Variants in TERF1 observed in about 807,000 individuals in gnomAD.
TERF1 encodes telomeric repeat binding factor 1.
TERF1 carries 20 observed loss-of-function variants against 55.1 expected under a neutral mutation model. The observed-to-expected ratio is 0.36, with a 90% CI of 0.26 to 0.53. The LOEUF (loss-of-function observed/expected upper bound fraction) is 0.53, where lower values mean the gene tolerates loss of function less well. TERF1 is among the 20% of genes least tolerant of loss of function. The pLI is 0.91. For missense variants in TERF1, 439 were observed against 535.7 expected, an observed-to-expected ratio of 0.82 and a Z score of 1.78; for synonymous variants, 168 against 181.2, an observed-to-expected ratio of 0.93 and a Z score of 0.59.
At chr8:73,018,505 G>A (rs1808620461) in intron 2 of TERF1, among the ~76,000 whole-genome samples, 2 of 151,986 alleles carry the variant, frequency 1.3e-5, no homozygotes, top group Non-Finnish European at 1.5e-5. Flanking sequence ...GCAAAACCCC[G>A]TCTCTACTAA....
chr8:73,032,727 T>C (rs1237323135), intron 8 of TERF1, among the ~76,000 whole-genome samples: 5 of 152,156 alleles, frequency 3.3e-5, no homozygotes, highest in Non-Finnish European at 7.4e-5. Context: ...TAAGTACAGT[T>C]GATTCTTGTT....
chr8:73,018,768 T>C (rs1486166189), intron 2 of TERF1, among the ~76,000 whole-genome samples: 1 of 152,198 alleles, frequency 6.6e-6, no homozygotes, highest in Non-Finnish European at 1.5e-5. Context: ...GTGCTAGGAA[T>C]TACAGGGATT....
chr8:73,043,951 G>A (rs1809933237), intron 9 of TERF1, among the ~76,000 whole-genome samples: 1 of 152,188 alleles, frequency 6.6e-6, no homozygotes, highest in Admixed American at 6.5e-5. Context: ...TTTAAAGAGA[G>A]TTTATGTGGC....
intron 6 of TERF1, among the ~76,000 whole-genome samples, chr8:73,027,614 A>G (rs1809071707): frequency 6.6e-6 from 1 of 152,138 alleles, no homozygotes; most frequent in Non-Finnish European, 1.5e-5. Flanking sequence ...TAGAAGCTTA[A>G]GTATCTTCCC....
Position 73,032,072 on chromosome 8 carries a change from G to A in TERF1, c.978G>A (p.Leu326=). The change falls in exon 8 of 10, where the codon TTG becomes TTA. Residue 326 remains leucine, a synonymous_variant. Coordinates refer to ENST00000276603, the MANE Select transcript of TERF1 (RefSeq NM_017489.3). ...RSHKNLFLSK[L]QHGTQQQDLN... Reference sequence around the variant, plus strand: ...ACAAGAATCTTTTCTTATCTAAGTTGCAACATGGAACCCAGCAACAAGACC... The same window carrying A: ...ACAAGAATCTTTTCTTATCTAAGTTACAACATGGAACCCAGCAACAAGACC... The A allele has an allele frequency of 6.2e-7, 1 of 1,611,536 alleles. No homozygotes were observed. The highest frequency in any genetic ancestry group is 1.1e-5 in the South Asian group (1 of 90,760).
chr8:73,032,260 C>A, intron 8 of TERF1, 127 bp downstream of exon 8: 1 of 625,594 alleles, frequency 1.6e-6, no homozygotes, highest in Non-Finnish European at 2.7e-6. Context: ...GTCTTGACTT[C>A]ATAGAGTTAA....
intron 1 of TERF1, chr8:73,012,889 C>T (rs551577379): frequency 5.5e-5 from 25 of 455,862 alleles, no homozygotes; most frequent in South Asian, 1.9e-4. Flanking sequence ...GACTGGCTAT[C>T]TGAAGTCATC....
chr8:73,014,158 G>A (rs1434076908), intron 2 of TERF1, among the ~76,000 whole-genome samples, 168 bp downstream of exon 2: 2 of 151,680 alleles, frequency 1.3e-5, no homozygotes, highest in Non-Finnish European at 2.9e-5. Context: ...CATATCTAAA[G>A]CAAGTAAAAG....
chr8:73,036,329 A>T (rs538649532), intron 8 of TERF1, among the ~76,000 whole-genome samples: 21 of 152,356 alleles, frequency 1.4e-4, no homozygotes, highest in African/African-American at 3.6e-4. Context: ...AGGCTTTTCT[A>T]CATTCAACAG....
intron 6 of TERF1, 146 bp downstream of exon 6, chr8:73,027,198 G>C (rs1049464576): frequency 6.3e-6 from 4 of 636,300 alleles, no homozygotes; most frequent in Non-Finnish European, 1.1e-5. Flanking sequence ...AAGTACTGTA[G>C]AGTTATTTCA....
chr8:73,038,485 T>C (rs1286492272), intron 8 of TERF1, among the ~76,000 whole-genome samples: 8 of 151,998 alleles, frequency 5.3e-5, no homozygotes, highest in Non-Finnish European at 8.8e-5. Flanking sequence ...CCTCTAAGAA[T>C]GTTAGATTTT....
Position 73,047,643 on chromosome 8 carries a change from G to A in TERF1, c.*1506G>A, listed in dbSNP as rs1469031200. 6.6e-6 allele frequency: 1 copy of A among 152,170 alleles called. No individual in the cohort carries two copies. The allele number at this position is 152,170 out of a possible 1,614,324, so 9.4% of individuals were successfully genotyped here. On this transcript the variant is annotated 3_prime_UTR_variant, in exon 10 of 10. Transcript: ENST00000276603. Reference sequence around the variant, plus strand: ...TTTGCATAAAAAATCAAATGGTGGTGTTTTGTAATCTCTATTGTATTTCCT... The same window carrying A: ...TTTGCATAAAAAATCAAATGGTGGTATTTTGTAATCTCTATTGTATTTCCT...
chr8:73,033,971 A>T (rs1443059758), intron 8 of TERF1, among the ~76,000 whole-genome samples: 1 of 152,036 alleles, frequency 6.6e-6, no homozygotes, highest in Non-Finnish European at 1.5e-5. Flanking sequence ...TTGGAGACAG[A>T]GTCTTACTTT....
chr8:73,040,159 T>A (rs1480822458), intron 9 of TERF1, among the ~76,000 whole-genome samples: 2 of 152,176 alleles, frequency 1.3e-5, no homozygotes, highest in Non-Finnish European at 2.9e-5. Context: ...CTTCTACTTT[T>A]CATTTGCTTC....
At position 73,032,127 on chromosome 8, in the gene TERF1, C is replaced by T. The variant is rs770829605; in HGVS notation, c.1033C>T (p.Pro345Ser). The change falls in exon 8 of 10, where the codon CCT (proline) becomes TCT (serine). Residue 345 changes from proline (P) to serine (S), a missense_variant. Transcript: ENST00000276603. Reference sequence around the variant, plus strand: ...TAAGAAAGAAAGAAGAGTAGGAACTCCTCAAAGTGAGTACTGTTATAACAG... The same window carrying T: ...TAAGAAAGAAAGAAGAGTAGGAACTTCTCAAAGTGAGTACTGTTATAACAG... ...LNKKERRVGT[P>S]QSTKKKKESR... The T allele has an allele frequency of 2.6e-5, 42 of 1,607,946 alleles. No homozygotes were observed. The highest frequency in any genetic ancestry group is 3.5e-5 in the Non-Finnish European group (41 of 1,176,824).
chr8:73,035,965 G>C (rs1809490296), intron 8 of TERF1, among the ~76,000 whole-genome samples: 1 of 152,196 alleles, frequency 6.6e-6, no homozygotes, highest in Admixed American at 6.5e-5. Flanking sequence ...AGATACAAAA[G>C]GTAGACAACA....
chr8:73,033,117 G>T (rs183133002), intron 8 of TERF1, among the ~76,000 whole-genome samples: 52 of 146,888 alleles, frequency 3.5e-4, no homozygotes, highest in African/African-American at 1.2e-3. Context: ...TGCTCATAAG[G>T]TACCATCTTG....
At chr8:73,013,258 T>G (rs1808353207) in intron 1 of TERF1, among the ~76,000 whole-genome samples, 1 of 152,202 alleles carries the variant, frequency 6.6e-6, no homozygotes, top group East Asian at 1.9e-4. Flanking sequence ...ACCTCCTCTG[T>G]GCAGAAGATA....
At chr8:73,029,267 AT>A (rs1809171948) in intron 6 of TERF1, among the ~76,000 whole-genome samples, 3 of 152,302 alleles carry the variant, frequency 2.0e-5, no homozygotes, top group Admixed American at 2.0e-4. Flanking sequence ...TTTGAAGGGG[AT>A]TAGTCCTAGG....
Sources: allele counts gnomAD v4.1 joint callset (sites outside exome capture counted in the v4.1 genomes callset), GRCh38; gene constraint gnomAD v4.1.1; transcripts MANE v1.5; gene names NCBI Gene and HGNC (gene_info 2026-07-23, HGNC 2026-07-21).